Variants in EML4 observed in about 807,000 individuals in gnomAD.
EML4 encodes the protein echinoderm microtubule-associated protein-like 4.
A neutral mutation model predicts 129.0 loss-of-function variants in EML4; 72 were observed. The observed-to-expected ratio is 0.56, with a 90% CI of 0.46 to 0.68. The LOEUF (loss-of-function observed/expected upper bound fraction) is 0.68, where lower values mean the gene tolerates loss of function less well. EML4 is among the 30% of genes least tolerant of loss of function. EML4 has a pLI of 0.00. For synonymous variants in EML4, 532 were observed against 405.0 expected, an observed-to-expected ratio of 1.31 and a Z score of -3.77; for missense variants, 1,363 against 1,190.6, an observed-to-expected ratio of 1.14 and a Z score of -2.13.
In EML4 at chr2:42,290,630, G is replaced by C. The variant is rs551285581; in HGVS notation, c.1218+2308G>C. On this transcript the variant is annotated intron_variant, in intron 11 of 22. Transcript: ENST00000318522. Reference sequence around the variant, plus strand: ...ATTTGTAGTTCCAGCTATTTGGGAGGCTGAGGTGGAAGCATCAATTGAGCC... The same window carrying C: ...ATTTGTAGTTCCAGCTATTTGGGAGCCTGAGGTGGAAGCATCAATTGAGCC... 4.3e-4 allele frequency among the ~76,000 whole-genome samples: 66 copies of C among 152,190 alleles called. 1 individual carries two copies. The highest frequency in any genetic ancestry group is 3.4e-3 in the Middle Eastern group (1 of 294).
chr2:42,169,735 G>A, intron 1 of EML4, 99 bp downstream of exon 1: 1 of 1,398,386 alleles, frequency 7.2e-7, no homozygotes. Context: ...GCCCCTCGGG[G>A]TGGCAGCGGC....
intron 4 of EML4, 138 bp from the exon 5 acceptor site, chr2:42,263,040 A>G (rs1665832425): frequency 1.5e-6 from 1 of 660,724 alleles, no homozygotes; most frequent in African/African-American, 1.9e-5. Context: ...TCATCCAGGC[A>G]GTCTTTCAAC....
Position 42,280,914 on chromosome 2 carries a change from TGAC to T in EML4, c.733_735del (p.Asp245del), listed in dbSNP as rs747936183. The T allele has an allele frequency of 3.1e-6, 5 of 1,612,180 alleles. No homozygotes were observed. Among genetic ancestry groups the T allele is most frequent in the Non-Finnish European group, 4.2e-6 (5 of 1,178,584 alleles). ...TTACCATGTTCATTCCTTCCGATGT[TGAC>T]AACTATGATGACATCAGAACGGAAC... On this transcript the variant is annotated inframe_deletion, in exon 7 of 23. Coordinates refer to ENST00000318522, the MANE Select transcript of EML4 (RefSeq NM_019063.5).
At chr2:42,274,054 T>A (rs1666521166) in intron 6 of EML4, among the ~76,000 whole-genome samples, 1 of 152,230 alleles carries the variant, frequency 6.6e-6, no homozygotes, top group Non-Finnish European at 1.5e-5. Context: ...AAAATTACAG[T>A]AAATATTTCT....
intron 1 of EML4, chr2:42,207,825 C>G (rs181436078): frequency 6.6e-6 from 1 of 152,280 alleles, no homozygotes; most frequent in East Asian, 1.9e-4. Flanking sequence ...CTTTGCTTCA[C>G]TGATGAATAA....
In EML4 at chr2:42,330,086, G is replaced by C. The variant is rs1449681353; in HGVS notation, c.2825G>C (p.Ser942Thr). 6.2e-7 allele frequency: 1 copy of C among 1,613,142 alleles called. No homozygotes were observed. The highest frequency in any genetic ancestry group is 8.5e-7 in the Non-Finnish European group (1 of 1,179,904). Reference sequence around the variant, plus strand: ...AGTGAAGACCACAGCGAGGAGGAGAGTGAAGAGGGCAGCGGAGACCTTGGT... The same window carrying C: ...AGTGAAGACCACAGCGAGGAGGAGACTGAAGAGGGCAGCGGAGACCTTGGT... ...EPSEDHSEEE[S>T]EEGSGDLGEP... is the part of the protein sequence containing the mutation. The change falls in exon 23 of 23, where the codon AGT (serine) becomes ACT (threonine). Residue 942 changes from serine to threonine, a missense_variant. Coordinates refer to ENST00000318522, the MANE Select transcript of EML4 (RefSeq NM_019063.5).
intron 6 of EML4, among the ~76,000 whole-genome samples, chr2:42,277,277 A>T (rs1666707384): frequency 6.6e-6 from 1 of 152,234 alleles, no homozygotes; most frequent in Non-Finnish European, 1.5e-5. Flanking sequence ...TAACAAGTTG[A>T]CACTTAAAAG....
intron 11 of EML4, among the ~76,000 whole-genome samples, chr2:42,290,115 A>C (rs1667544980): frequency 6.6e-6 from 1 of 151,940 alleles, no homozygotes; most frequent in South Asian, 2.1e-4. Flanking sequence ...AGTTAACTTA[A>C]TCAAAACAGA....
At chr2:42,277,141 T>C (rs1480320523) in intron 6 of EML4, among the ~76,000 whole-genome samples, 1 of 152,198 alleles carries the variant, frequency 6.6e-6, no homozygotes, top group Non-Finnish European at 1.5e-5. Context: ...ATCTATTAAA[T>C]GTCTTTTTTA....
intron 1 of EML4, among the ~76,000 whole-genome samples, chr2:42,231,188 G>A (rs935231807): frequency 6.6e-6 from 1 of 152,156 alleles, no homozygotes; most frequent in Non-Finnish European, 1.5e-5. Context: ...AAATCAGATG[G>A]ACCATTTTTA....
At chr2:42,274,113 G>T (rs1405003928) in intron 6 of EML4, among the ~76,000 whole-genome samples, 1 of 152,146 alleles carries the variant, frequency 6.6e-6, no homozygotes, top group Non-Finnish European at 1.5e-5. Context: ...GGGAAGTAGA[G>T]ACTGATAGTA....
intron 18 of EML4, 68 bp from the exon 19 acceptor site, chr2:42,317,359 C>T: frequency 9.7e-7 from 1 of 1,030,326 alleles, no homozygotes; most frequent in Non-Finnish European, 1.5e-6. Flanking sequence ...TTTGTAAAAT[C>T]AGTAAAATAA....
At chr2:42,262,780 T>C (rs1665812995) in intron 4 of EML4, among the ~76,000 whole-genome samples, 1 of 152,172 alleles carries the variant, frequency 6.6e-6, no homozygotes, top group Admixed American at 6.5e-5. Context: ...TGTAATGTAA[T>C]TACCTGAGGA....
intron 19 of EML4, among the ~76,000 whole-genome samples, chr2:42,321,310 G>C (rs1042151675): frequency 3.9e-5 from 6 of 152,068 alleles, no homozygotes; most frequent in African/African-American, 9.7e-5. Context: ...ATGAACCCGG[G>C]AGGCGGAGCT....
chr2:42,179,263 G>GTTTT (rs11396677), intron 1 of EML4, among the ~76,000 whole-genome samples: 1 of 142,820 alleles, frequency 7.0e-6, no homozygotes, highest in Non-Finnish European at 1.5e-5. Flanking sequence ...GGGGAGCTGG[G>GTTTT]TTTTTTTTTT....
At chr2:42,229,707 A>G (rs1674200478) in intron 1 of EML4, among the ~76,000 whole-genome samples, 1 of 151,706 alleles carries the variant, frequency 6.6e-6, no homozygotes, top group Non-Finnish European at 1.5e-5. Context: ...TTTGCTTATA[A>G]AAAATAGTAA....
At chr2:42,184,435 A>C (rs1217191223) in intron 1 of EML4, among the ~76,000 whole-genome samples, 1 of 123,038 alleles carries the variant, frequency 8.1e-6, no homozygotes, top group Non-Finnish European at 1.6e-5. Flanking sequence ...TTTCATTGTC[A>C]CTCCCTGGTT....
At chr2:42,283,207 T>A (rs934237117) in intron 8 of EML4, among the ~76,000 whole-genome samples, 3 of 152,236 alleles carry the variant, frequency 2.0e-5, no homozygotes, top group Admixed American at 1.3e-4. Context: ...TGGAACCTCT[T>A]CTGCTTTCTC....
At chr2:42,316,103 C>A in intron 18 of EML4, 53 bp downstream of exon 18, 1 of 1,223,354 alleles carries the variant, frequency 8.2e-7, no homozygotes, top group Non-Finnish European at 1.2e-6. Flanking sequence ...CACTTCACTG[C>A]AATTGCATAG....
Sources: allele counts gnomAD v4.1 joint callset (sites outside exome capture counted in the v4.1 genomes callset), GRCh38; gene constraint gnomAD v4.1.1; transcripts MANE v1.5; gene names NCBI Gene and HGNC (gene_info 2026-07-23, HGNC 2026-07-21).